Variants in CFAP299 observed in about 807,000 individuals in gnomAD.
CFAP299 encodes the protein cilia- and flagella-associated protein 299.
Under a neutral mutation model 27.0 loss-of-function variants are expected in CFAP299, and 21 were observed. The ratio of observed to expected loss-of-function variants is 0.78; its 90% CI spans 0.55 to 1.12. CFAP299 has a LOEUF of 1.12. Ranked by LOEUF, CFAP299 falls within the 50% of genes most tolerant of loss-of-function variation. The pLI is 0.00. For synonymous variants in CFAP299, 104 were observed against 98.1 expected, an observed-to-expected ratio of 1.06 and a Z score of -0.36; for missense variants, 310 against 276.6, an observed-to-expected ratio of 1.12 and a Z score of -0.86.
intron 2 of CFAP299, among the ~76,000 whole-genome samples, chr4:80,440,605 A>G (rs1036886268): frequency 1.6e-4 from 25 of 152,230 alleles, no homozygotes; most frequent in Non-Finnish European, 4.4e-5. Flanking sequence ...TGAGGAAAAA[A>G]CAGTGCAAAA....
At chr4:80,954,855 C>T (rs1194032224) in intron 5 of CFAP299, among the ~76,000 whole-genome samples, 4 of 151,664 alleles carry the variant, frequency 2.6e-5, no homozygotes, top group African/African-American at 7.3e-5. Flanking sequence ...AAAAAATTAG[C>T]CAGGCATGGT....
At chr4:80,902,586 T>TATACACACACACAC (rs370673737) in intron 4 of CFAP299, among the ~76,000 whole-genome samples, 5 of 126,698 alleles carry the variant, frequency 3.9e-5, no homozygotes, top group East Asian at 4.7e-4. Flanking sequence ...ATGTAATATA[T>TATACACACACACAC]ACACACACAC....
Position 80,882,292 on chromosome 4 carries a change from A to C in CFAP299, c.476+12157A>C, listed in dbSNP as rs139529851. Among the ~76,000 whole-genome samples the C allele has an allele frequency of 3.5e-3, 536 of 152,332 alleles. 3 individuals carry two copies. The highest frequency in any genetic ancestry group is 0.013 in the African/African-American group (522 of 41,578). ...ATAGGTTGAATTTAAAGAAGTCTAC[A>C]TAAAGATACATTGTAATCAAATTAT... On this transcript the variant is annotated intron_variant, in intron 4 of 5. Coordinates refer to ENST00000358105, the MANE Select transcript of CFAP299 (RefSeq NM_152770.3).
chr4:80,521,420 G>A (rs185819850), intron 2 of CFAP299, among the ~76,000 whole-genome samples: 3 of 152,176 alleles, frequency 2.0e-5, no homozygotes, highest in Admixed American at 2.0e-4. Context: ...CATAGTCTTT[G>A]GCTGTGACAA....
At chr4:80,844,746 T>C (rs1205250097) in intron 3 of CFAP299, among the ~76,000 whole-genome samples, 11 of 152,114 alleles carry the variant, frequency 7.2e-5, no homozygotes, top group African/African-American at 1.4e-4. Context: ...TGTGCAGAAG[T>C]TCTTTAGTTT....
At chr4:80,354,807 A>G (rs1723183881) in intron 1 of CFAP299, among the ~76,000 whole-genome samples, 1 of 152,206 alleles carries the variant, frequency 6.6e-6, no homozygotes, top group Non-Finnish European at 1.5e-5. Context: ...TTTGCTAAGA[A>G]TAATGGTCTC....
chr4:80,471,291 A>T (rs1361612843), intron 2 of CFAP299, among the ~76,000 whole-genome samples: 1 of 151,932 alleles, frequency 6.6e-6, no homozygotes, highest in African/African-American at 2.4e-5. Context: ...CAAACAAATA[A>T]CAACTACCAA....
intron 3 of CFAP299, among the ~76,000 whole-genome samples, chr4:80,705,485 C>T (rs908812556): frequency 1.3e-5 from 2 of 151,744 alleles, no homozygotes; most frequent in Non-Finnish European, 2.9e-5. Flanking sequence ...GTCACGTGGC[C>T]AAATCTGATT....
At chr4:80,622,552 G>A (rs1738661999) in intron 3 of CFAP299, among the ~76,000 whole-genome samples, 1 of 152,016 alleles carries the variant, frequency 6.6e-6, no homozygotes, top group African/African-American at 2.4e-5. Context: ...ATAATAACTT[G>A]ACTGGCCTTT....
intron 4 of CFAP299, among the ~76,000 whole-genome samples, chr4:80,874,307 A>AG (rs901757261): frequency 1.3e-5 from 2 of 152,196 alleles, no homozygotes; most frequent in Admixed American, 1.3e-4. Flanking sequence ...TAACTAAAGG[A>AG]GACTTGCCGC....
intron 3 of CFAP299, among the ~76,000 whole-genome samples, chr4:80,860,705 G>A (rs1488922267): frequency 3.3e-5 from 5 of 152,142 alleles, no homozygotes; most frequent in African/African-American, 7.2e-5. Flanking sequence ...TATCAGCAGC[G>A]GTGTCTGCAG....
At chr4:80,423,248 A>G (rs1727373021) in intron 2 of CFAP299, among the ~76,000 whole-genome samples, 1 of 152,214 alleles carries the variant, frequency 6.6e-6, no homozygotes, top group Non-Finnish European at 1.5e-5. Flanking sequence ...GTAAATAACA[A>G]TGGAAGTATG....
At chr4:80,869,875 A>T in intron 3 of CFAP299, 118 bp from the exon 4 acceptor site, 1 of 959,718 alleles carries the variant, frequency 1.0e-6, no homozygotes, top group Non-Finnish European at 1.5e-6. Context: ...CCACTCTTTC[A>T]GAAGCCCTGC....
At chr4:80,889,191 T>C (rs572856594) in intron 4 of CFAP299, among the ~76,000 whole-genome samples, 20 of 149,860 alleles carry the variant, frequency 1.3e-4, no homozygotes, top group African/African-American at 4.8e-4. Flanking sequence ...ATCAACAAAA[T>C]AAAAGTTTTT....
At chr4:80,655,374 A>C (rs1207597714) in intron 3 of CFAP299, among the ~76,000 whole-genome samples, 4 of 152,184 alleles carry the variant, frequency 2.6e-5, no homozygotes, top group African/African-American at 9.6e-5. Flanking sequence ...AATATGATGA[A>C]ATACTGATTT....
chr4:80,483,243 G>A (rs1459734174), intron 2 of CFAP299, among the ~76,000 whole-genome samples: 1 of 152,198 alleles, frequency 6.6e-6, no homozygotes. Flanking sequence ...CCTCTAGAAG[G>A]TAGGAAAGGC....
intron 3 of CFAP299, among the ~76,000 whole-genome samples, chr4:80,708,520 G>A (rs912460327): frequency 2.6e-5 from 4 of 152,062 alleles, no homozygotes; most frequent in African/African-American, 7.2e-5. Flanking sequence ...AATTGGAAAA[G>A]GCTCTTGGTT....
chr4:80,740,708 T>C (rs979234291), intron 3 of CFAP299, among the ~76,000 whole-genome samples: 1 of 152,214 alleles, frequency 6.6e-6, no homozygotes, highest in African/African-American at 2.4e-5. Flanking sequence ...CCTGTTGTTC[T>C]ATTCTGCTGT....
At chr4:80,772,160 C>G (rs77160007) in intron 3 of CFAP299, among the ~76,000 whole-genome samples, 1,603 of 152,208 alleles carry the variant, frequency 0.011, 33 homozygotes, top group African/African-American at 0.035. Flanking sequence ...AGGAAAACAC[C>G]TTTAAGGTAT....
Sources: allele counts gnomAD v4.1 joint callset (sites outside exome capture counted in the v4.1 genomes callset), GRCh38; gene constraint gnomAD v4.1.1; transcripts MANE v1.5; gene names NCBI Gene and HGNC (gene_info 2026-07-23, HGNC 2026-07-21).